SMIM13: variants seen among roughly 807,000 people sequenced by gnomAD.
The protein encoded by SMIM13 is UPF0766 protein C6orf228.
In SMIM13, 3 loss-of-function variants were observed where a neutral mutation model predicts 5.9. That is an observed-to-expected ratio of 0.51 (90% confidence interval 0.23 to 1.31). The LOEUF (loss-of-function observed/expected upper bound fraction) is 1.31, where lower values mean the gene tolerates loss of function less well. Among genes scored for constraint, SMIM13 ranks in the 40% most tolerant of loss-of-function variants. The probability of loss-of-function intolerance (pLI) is 0.18; values close to 1 mark genes in which losing one functional copy is unlikely to be tolerated. For missense variants in SMIM13, 85 were observed against 109.9 expected, an observed-to-expected ratio of 0.77 and a Z score of 1.01; for synonymous variants, 55 against 46.0, an observed-to-expected ratio of 1.19 and a Z score of -0.79.
Position 11,138,640 on chromosome 6 carries a change from T to C in SMIM13, c.*4038T>C, listed in dbSNP as rs895568859. Reference sequence around the variant, plus strand: ...TGTAAATGATCATTCACTGTTTTTGTTTTAAAACTGGTCAGTACTATGAAG... The same window carrying C: ...TGTAAATGATCATTCACTGTTTTTGCTTTAAAACTGGTCAGTACTATGAAG... On this transcript the variant is annotated 3_prime_UTR_variant, in exon 2 of 2. Transcript: ENST00000416247. The C allele has an allele frequency of 1.3e-5, 2 of 152,176 alleles. No homozygotes were observed. Among genetic ancestry groups the C allele is most frequent in the Non-Finnish European group, 2.9e-5 (2 of 68,018 alleles). The allele number at this position is 152,176 out of a possible 1,614,324, so 9.4% of individuals were successfully genotyped here.
Position 11,134,850 on chromosome 6 carries a change from G to T in SMIM13, c.*248G>T. 3.4e-6 allele frequency: 1 copy of T among 294,490 alleles called. No homozygotes were observed. The highest frequency in any genetic ancestry group is 6.2e-6 in the Non-Finnish European group (1 of 161,296). 18.2% of individuals were successfully genotyped at this position (294,490 alleles called of 1,614,324 possible). On this transcript the variant is annotated 3_prime_UTR_variant, in exon 2 of 2. Coordinates refer to ENST00000416247, the MANE Select transcript of SMIM13 (RefSeq NM_001135575.2). ...TATACACTTATTCCTTGGCTTTTGG[G>T]CTTATTTTCTTGCACTGGTGCAGAT...
intron 1 of SMIM13, among the ~76,000 whole-genome samples, chr6:11,114,160 A>G (rs1758206193): frequency 1.3e-5 from 2 of 151,222 alleles, no homozygotes; most frequent in African/African-American, 2.4e-5. Flanking sequence ...TTGTATTTTT[A>G]GTAGAGATGG....
chr6:11,115,456 C>T (rs534253069), intron 1 of SMIM13, among the ~76,000 whole-genome samples: 6 of 152,218 alleles, frequency 3.9e-5, no homozygotes, highest in Admixed American at 2.0e-4. Context: ...CTCTTCATGC[C>T]AGTTGAATCT....
intron 1 of SMIM13, among the ~76,000 whole-genome samples, chr6:11,122,510 A>G (rs1356946047): frequency 6.7e-6 from 1 of 150,372 alleles, no homozygotes; most frequent in African/African-American, 2.5e-5. Flanking sequence ...TTTTTGCAGT[A>G]TGGACCAAAG....
At chr6:11,117,157 A>ATTTTTTTTTTTTTTTT in intron 1 of SMIM13, among the ~76,000 whole-genome samples, 1 of 116,932 alleles carries the variant, frequency 8.6e-6, no homozygotes, top group South Asian at 2.8e-4. Context: ...CGCCCGGCTA[A>ATTTTTTTTTTTTTTTT]TTTTTGTATT....
chr6:11,118,680 A>G (rs1433829202), intron 1 of SMIM13, among the ~76,000 whole-genome samples: 1 of 152,220 alleles, frequency 6.6e-6, no homozygotes, highest in African/African-American at 2.4e-5. Flanking sequence ...TATATTAATA[A>G]TACTTAAAAT....
chr6:11,094,402 G>A lies in SMIM13; in HGVS notation c.76+13G>A, dbSNP rs941386554. The A allele has an allele frequency of 9.8e-6, 15 of 1,532,720 alleles. No individual in the cohort carries two copies. The highest frequency in any genetic ancestry group is 1.1e-5 in the Non-Finnish European group (13 of 1,141,250). 94.9% of individuals were successfully genotyped at this position (1,532,720 alleles called of 1,614,324 possible). A position where few individuals can be genotyped will look rare whatever the true frequency, so the allele number is the denominator to read the frequency against. ...CTGATGGTGTGCGGTGAGTGGGGGC[G>A]GTAGCCGCGAGGCAGTTCCACACGC... is the stretch of plus-strand genomic sequence containing the variant. On this transcript the variant is annotated intron_variant, in intron 1 of 1. Coordinates refer to ENST00000416247, the MANE Select transcript of SMIM13 (RefSeq NM_001135575.2).
intron 1 of SMIM13, among the ~76,000 whole-genome samples, chr6:11,101,343 C>G (rs1174805744): frequency 2.6e-5 from 4 of 152,196 alleles, no homozygotes; most frequent in African/African-American, 4.8e-5. Context: ...GTCAACCTCT[C>G]TTATTTCAGC....
At chr6:11,121,436 G>A (rs533299873) in intron 1 of SMIM13, among the ~76,000 whole-genome samples, 1 of 152,272 alleles carries the variant, frequency 6.6e-6, no homozygotes, top group South Asian at 2.1e-4. Flanking sequence ...AAGGCTGCCT[G>A]GGTTTTAGTG....
intron 1 of SMIM13, among the ~76,000 whole-genome samples, chr6:11,096,242 ATTAG>A (rs1241283547): frequency 2.6e-5 from 4 of 152,198 alleles, no homozygotes; most frequent in Admixed American, 1.3e-4. Context: ...ATCATCAGGC[ATTAG>A]TTAGATTCTC....
At chr6:11,094,434 G>A in intron 1 of SMIM13, 45 bp downstream of exon 1, 2 of 1,421,312 alleles carry the variant, frequency 1.4e-6, no homozygotes, top group Admixed American at 2.1e-5. Flanking sequence ...ACGCCGGGTC[G>A]CTGATCTGCT....
intron 1 of SMIM13, chr6:11,105,074 G>T: frequency 4.3e-6 from 7 of 1,614,170 alleles, no homozygotes; most frequent in Non-Finnish European, 5.9e-6. Context: ...TCAGATTAGG[G>T]TCCCATCGAT....
At chr6:11,107,873 G>A (rs1179935245) in intron 1 of SMIM13, among the ~76,000 whole-genome samples, 3 of 152,220 alleles carry the variant, frequency 2.0e-5, no homozygotes, top group Middle Eastern at 6.4e-3. Flanking sequence ...AGCTGAAGAG[G>A]AAACTGCCTT....
At chr6:11,115,181 T>C (rs1044580269) in intron 1 of SMIM13, among the ~76,000 whole-genome samples, 1 of 152,184 alleles carries the variant, frequency 6.6e-6, no homozygotes, top group African/African-American at 2.4e-5. Flanking sequence ...TTGGAAGCAT[T>C]TACATACAAT....
chr6:11,105,363 G>A, intron 1 of SMIM13: 1 of 1,388,258 alleles, frequency 7.2e-7, no homozygotes, highest in Non-Finnish European at 1.0e-6. Context: ...AACTCCTGGT[G>A]GTGTACAAGT....
intron 1 of SMIM13, among the ~76,000 whole-genome samples, chr6:11,129,083 G>GT (rs972180232): frequency 2.0e-5 from 3 of 151,558 alleles, no homozygotes; most frequent in East Asian, 1.9e-4. Context: ...GGGAGCGGGG[G>GT]GGGGATGATC....
At chr6:11,130,913 T>C (rs1758444056) in intron 1 of SMIM13, among the ~76,000 whole-genome samples, 1 of 152,228 alleles carries the variant, frequency 6.6e-6, no homozygotes, top group African/African-American at 2.4e-5. Flanking sequence ...CACTCTTCTT[T>C]ATGGTCATTT....
intron 1 of SMIM13, among the ~76,000 whole-genome samples, chr6:11,107,914 T>C (rs1305618889): frequency 6.6e-6 from 1 of 152,252 alleles, no homozygotes; most frequent in Non-Finnish European, 1.5e-5. Flanking sequence ...ATTCTTGGGC[T>C]GAATTACTAT....
chr6:11,137,307 A>T lies in SMIM13; in HGVS notation c.*2705A>T, dbSNP rs1732743773. 1 of 152,136 alleles carries T rather than the reference A, an allele frequency of 6.6e-6. No homozygotes were observed. Among genetic ancestry groups the T allele is most frequent in the Non-Finnish European group, 1.5e-5 (1 of 68,000 alleles). 9.4% of individuals were successfully genotyped at this position (152,136 alleles called of 1,614,324 possible). A position where few individuals can be genotyped will look rare whatever the true frequency, so the allele number is the denominator to read the frequency against. ...GAACTTTTTTCTCTTCGTGCACCTC[A>T]CAACACACTTACCATGGTACATATT... On this transcript the variant is annotated 3_prime_UTR_variant, in exon 2 of 2. Transcript: ENST00000416247.
Sources: gnomAD v4.1 joint callset for allele counts (sites outside exome capture counted in the v4.1 genomes callset) on GRCh38, gnomAD v4.1.1 for gene constraint, MANE v1.5 for transcripts, NCBI Gene and HGNC (gene_info 2026-07-23, HGNC 2026-07-21) for gene names.